Variants in MKRN2OS observed in about 807,000 individuals in gnomAD.
The protein encoded by MKRN2OS is MKRN2 opposite strand.
Under a neutral mutation model 18.2 loss-of-function variants are expected in MKRN2OS, and 17 were observed. The ratio of observed to expected loss-of-function variants is 0.93; its 90% confidence interval spans 0.64 to 1.40. The LOEUF is 1.40. Ranked by LOEUF, MKRN2OS falls within the 40% of genes most tolerant of loss-of-function variation. MKRN2OS has a pLI of 0.00. For missense variants in MKRN2OS, 337 were observed against 283.0 expected (o/e 1.19, Z -1.37); for synonymous variants, 121 against 108.5 (o/e 1.12, Z -0.72).
upstream of MKRN2OS, among the ~76,000 whole-genome samples, chr3:12,547,793 A>G (rs756891690): frequency 4.6e-5 from 7 of 152,202 alleles, no homozygotes; most frequent in Non-Finnish European, 7.3e-5. Flanking sequence ...CAGGAGGGTT[A>G]AGTATTTCAC....
intron 1 of MKRN2OS, among the ~76,000 whole-genome samples, chr3:12,544,499 A>T (rs2057858644): frequency 6.6e-6 from 1 of 151,964 alleles, no homozygotes; most frequent in African/African-American, 2.4e-5. Context: ...AACATGGTGA[A>T]ACCCCGTCTC....
chr3:12,544,679 C>CA (rs1553606570), intron 1 of MKRN2OS, among the ~76,000 whole-genome samples: 1 of 89,772 alleles, frequency 1.1e-5, no homozygotes, highest in Non-Finnish European at 2.0e-5. Context: ...AACTCTGTCT[C>CA]GGGGAAAAAA....
chr3:12,545,261 C>G lies in MKRN2OS; in HGVS notation c.204G>C (p.Gln68His), dbSNP rs1271500145. The G allele has an allele frequency of 1.3e-6, 2 of 1,534,780 alleles. No homozygotes were observed. The change falls in exon 1 of 4, where the codon CAG becomes CAC. Residue 68 changes from glutamine (Q) to histidine (H), a missense_variant. Coordinates refer to ENST00000564146, the MANE Select transcript of MKRN2OS (RefSeq NM_001195279.2). ...AAACACTGTACCTAAGAAATGTCCC[C>G]TGAGTTGGTCTGAGGAGGAATGAAC... ...EKCSFLLRPT[Q>H]GTFLREYDGR... is the part of the protein sequence containing the mutation.
At position 12,543,218 on chromosome 3, in the gene MKRN2OS, C is replaced by G; in HGVS notation, c.230G>C (p.Gly77Ala). The change falls in exon 2 of 4, where the codon GGA becomes GCA. Residue 77 changes from glycine (G) to alanine (A), a missense_variant. By Grantham distance (60) the Gly-to-Ala change is moderately conservative. Coordinates refer to ENST00000564146, the MANE Select transcript of MKRN2OS (RefSeq NM_001195279.2). ...TQGTFLREYD[G>A]RSDLHVGITN... ...TATTCCAACATGAAGATCAGACCTT[C>G]CATCATACTCTCTGAAAGAAACAAG... 1 of 1,535,376 alleles carries G rather than the reference C, an allele frequency of 6.5e-7. No individual in the cohort carries two copies. Among genetic ancestry groups the G allele is most frequent in the Non-Finnish European group, 8.7e-7 (1 of 1,146,640 alleles).
chr3:12,545,733 T>G (rs2057876779), upstream of MKRN2OS, among the ~76,000 whole-genome samples: 1 of 152,256 alleles, frequency 6.6e-6, no homozygotes, highest in Non-Finnish European at 1.5e-5. Flanking sequence ...AGCCTCACTT[T>G]TCTGTGGAAG....
At chr3:12,541,776 T>A (rs1057213257) in intron 3 of MKRN2OS, 84 bp downstream of exon 3, 20 of 1,371,744 alleles carry the variant, frequency 1.5e-5, no homozygotes, top group Non-Finnish European at 1.8e-5. Context: ...TGCTGCTGAG[T>A]CCTCTGTGAG....
intron 3 of MKRN2OS, 116 bp from the exon 4 acceptor site, chr3:12,540,549 G>C: frequency 8.1e-7 from 1 of 1,228,220 alleles, no homozygotes; most frequent in Non-Finnish European, 1.1e-6. Flanking sequence ...GCCCCTGCAT[G>C]TGCTGGCTTA....
At chr3:12,551,304 GC>G (rs1293603913), downstream of MKRN2OS, among the ~76,000 whole-genome samples, 3 of 151,912 alleles carry the variant, frequency 2.0e-5, no homozygotes, top group Non-Finnish European at 4.4e-5. Context: ...GACCAGCCTG[GC>G]CAAAATGGTG....
chr3:12,543,295 A>G, intron 1 of MKRN2OS, 66 bp from the exon 2 acceptor site: 1 of 1,363,722 alleles, frequency 7.3e-7, no homozygotes, highest in Non-Finnish European at 1.0e-6. Flanking sequence ...TGGCATTTAA[A>G]GTAGGAGGAT....
Position 12,540,223 on chromosome 3 carries a change from T to C in MKRN2OS, c.642A>G (p.Ala214=), listed in dbSNP as rs551161655. The C allele has an allele frequency of 1.0e-4, 153 of 1,536,006 alleles. No homozygotes were observed. Among genetic ancestry groups the C allele is most frequent in the Non-Finnish European group, 1.2e-4 (141 of 1,146,918 alleles). ...FYVTDCPQQQ[A]QPPEGGGLC ...ACAAACCGCCGCCCTCAGGGGGTTG[T>C]GCCTGCTGCTGGGGACAGTCAGTGA... is the stretch of plus-strand genomic sequence containing the variant. The change falls in exon 4 of 4, where the codon GCA becomes GCG. Residue 214 remains alanine (A), a synonymous_variant. Transcript: ENST00000564146.
chr3:12,544,550 C>T (rs1160657282), intron 1 of MKRN2OS, among the ~76,000 whole-genome samples: 1 of 151,850 alleles, frequency 6.6e-6, no homozygotes. Flanking sequence ...GTGGTGGGCG[C>T]CTGTAATCCC....
chr3:12,545,372 G>A lies in MKRN2OS; in HGVS notation c.93C>T (p.Leu31=). 1 of 1,535,966 alleles carries A rather than the reference G, an allele frequency of 6.5e-7. No individual in the cohort carries two copies. Reference sequence around the variant, plus strand: ...TCCTCGAGCCCAGGTCCTGCTGGCAGAGAGGGCAGCACTGGGGCACACTGA... The same window carrying A: ...TCCTCGAGCCCAGGTCCTGCTGGCAAAGAGGGCAGCACTGGGGCACACTGA... ...YSFSVPQCCP[L]CQQDLGSRKL... The change falls in exon 1 of 4, where the codon CTC becomes CTT. Residue 31 remains leucine, a synonymous_variant. Transcript: ENST00000564146.
At chr3:12,558,353 G>A (rs2058002068) in intron 1 of MKRN2OS, among the ~76,000 whole-genome samples, 1 of 152,174 alleles carries the variant, frequency 6.6e-6, no homozygotes, top group South Asian at 2.1e-4. Context: ...GGGTTTGTGT[G>A]TGTTTACGTA....
chr3:12,545,166 A>G (rs1291457631), intron 1 of MKRN2OS, 81 bp downstream of exon 1: 4 of 1,160,782 alleles, frequency 3.4e-6, no homozygotes, highest in Non-Finnish European at 4.7e-6. Context: ...CACATTATGT[A>G]TTAAGAAAAG....
At chr3:12,549,368 C>G (rs1251567130), upstream of MKRN2OS, among the ~76,000 whole-genome samples, 3 of 151,992 alleles carry the variant, frequency 2.0e-5, no homozygotes, top group African/African-American at 4.8e-5. Flanking sequence ...CTTAGCCTCC[C>G]AAGTAACTTG....
intron 1 of MKRN2OS, among the ~76,000 whole-genome samples, chr3:12,544,232 G>A (rs547437332): frequency 2.6e-4 from 39 of 152,252 alleles, no homozygotes; most frequent in African/African-American, 8.2e-4. Flanking sequence ...AGTTAGGAGG[G>A]TAAACTCTAG....
In MKRN2OS at chr3:12,540,166, A is replaced by G. The variant is rs1009268148; in HGVS notation, c.*27T>C. 9.1e-6 allele frequency: 14 copies of G among 1,535,790 alleles called. No individual in the cohort carries two copies. Among genetic ancestry groups the G allele is most frequent in the Non-Finnish European group, 1.2e-5 (14 of 1,146,784 alleles). On this transcript the variant is annotated 3_prime_UTR_variant, in exon 4 of 4. Transcript: ENST00000564146. ...AAAGGTAGCAACCACCCTACCCTCC[A>G]GCGTCCAGGCTGCGCTTACATAGCT...
intron 3 of MKRN2OS, 90 bp downstream of exon 3, chr3:12,541,770 G>A: frequency 7.5e-7 from 1 of 1,335,920 alleles, no homozygotes; most frequent in Admixed American, 2.3e-5. Flanking sequence ...GCTAAGTGCT[G>A]CTGAGTCCTC....
upstream of MKRN2OS, among the ~76,000 whole-genome samples, chr3:12,548,991 G>A (rs1452630265): frequency 6.6e-5 from 10 of 152,098 alleles, no homozygotes; most frequent in Non-Finnish European, 1.2e-4. Flanking sequence ...CTGGAGTGCA[G>A]TGGCGTGATC....
Sources: allele counts gnomAD v4.1 joint callset (sites outside exome capture counted in the v4.1 genomes callset), GRCh38; gene constraint gnomAD v4.1.1; transcripts MANE v1.5; gene names NCBI Gene and HGNC (gene_info 2026-07-23, HGNC 2026-07-21).